ATXN1: variants seen among roughly 807,000 people sequenced by gnomAD.
The protein encoded by ATXN1 is ataxin 1, also known as ataxin-1.
A neutral mutation model predicts 56.4 loss-of-function variants in ATXN1; 8 were observed. The ratio of observed to expected loss-of-function variants is 0.14; its 90% CI spans 0.08 to 0.26. The LOEUF (loss-of-function observed/expected upper bound fraction) is 0.26, where lower values mean the gene tolerates loss of function less well. ATXN1 is among the 10% of genes least tolerant of loss of function. The pLI, the probability that ATXN1 is intolerant of heterozygous loss-of-function variation, is 1.00. For synonymous variants in ATXN1, 514 were observed against 494.6 expected (o/e 1.04, Z -0.52); for missense variants, 987 against 1,106.5 (o/e 0.89, Z 1.53).
At chr6:16,684,642 A>C (rs1758879890) in intron 2 of ATXN1, among the ~76,000 whole-genome samples, 1 of 152,174 alleles carries the variant, frequency 6.6e-6, no homozygotes, top group African/African-American at 2.4e-5. Context: ...ACTTCCACCC[A>C]GTTCCCAGCG....
intron 4 of ATXN1, among the ~76,000 whole-genome samples, chr6:16,539,410 A>G (rs16878431): frequency 0.078 from 11,891 of 152,214 alleles, 706 homozygotes; most frequent in African/African-American, 0.16. Flanking sequence ...GATATTATAC[A>G]CAGTCATGGC....
At chr6:16,600,941 T>C (rs888367823) in intron 3 of ATXN1, among the ~76,000 whole-genome samples, 3 of 152,226 alleles carry the variant, frequency 2.0e-5, no homozygotes, top group African/African-American at 4.8e-5. Context: ...TTAGAGCTGG[T>C]TGCCTGCTGC....
intron 6 of ATXN1, among the ~76,000 whole-genome samples, chr6:16,343,719 G>C (rs990830140): frequency 4.6e-5 from 7 of 152,148 alleles, no homozygotes; most frequent in African/African-American, 1.7e-4. Context: ...TCAGGGACTG[G>C]AAAACCTTGA....
intron 6 of ATXN1, among the ~76,000 whole-genome samples, chr6:16,370,848 A>G (rs1411588418): frequency 6.6e-6 from 1 of 152,244 alleles, no homozygotes; most frequent in African/African-American, 2.4e-5. Context: ...ACAGTTTGTA[A>G]CTAACTGTAA....
intron 6 of ATXN1, among the ~76,000 whole-genome samples, chr6:16,430,310 G>A (rs143144787): frequency 6.7e-6 from 1 of 148,492 alleles, no homozygotes; most frequent in East Asian, 2.0e-4. Flanking sequence ...TGAAAAGAAG[G>A]CAGGAAAGAG....
At chr6:16,620,693 A>G (rs1343180458) in intron 3 of ATXN1, among the ~76,000 whole-genome samples, 1 of 152,182 alleles carries the variant, frequency 6.6e-6, no homozygotes, top group Non-Finnish European at 1.5e-5. Context: ...ATGCCCCCCC[A>G]AAAGGCTTTA....
At chr6:16,317,883 C>T (rs1424625801) in intron 7 of ATXN1, among the ~76,000 whole-genome samples, 2 of 152,166 alleles carry the variant, frequency 1.3e-5, no homozygotes, top group African/African-American at 4.8e-5. Flanking sequence ...GATGGACGAA[C>T]CTAGACAGGG....
chr6:16,573,465 C>T (rs1258646405), intron 4 of ATXN1, among the ~76,000 whole-genome samples: 2 of 151,748 alleles, frequency 1.3e-5, no homozygotes, highest in Admixed American at 6.6e-5. Flanking sequence ...CTCCCATTAC[C>T]TATCTTTAAT....
At chr6:16,655,462 C>T (rs1213983436) in intron 3 of ATXN1, among the ~76,000 whole-genome samples, 2 of 152,068 alleles carry the variant, frequency 1.3e-5, no homozygotes, top group Non-Finnish European at 2.9e-5. Flanking sequence ...CCCCTGATGG[C>T]GTGATGACAA....
intron 6 of ATXN1, among the ~76,000 whole-genome samples, chr6:16,432,169 G>A (rs1006305786): frequency 9.2e-5 from 14 of 152,250 alleles, no homozygotes; most frequent in Admixed American, 8.5e-4. Context: ...GATTTCCTCT[G>A]TCACTGGTTA....
At chr6:16,443,952 T>C (rs535614908) in intron 6 of ATXN1, among the ~76,000 whole-genome samples, 2 of 152,138 alleles carry the variant, frequency 1.3e-5, no homozygotes, top group African/African-American at 4.8e-5. Flanking sequence ...CCGTCTCTAC[T>C]AAAAACAGAA....
chr6:16,690,653 G>T (rs1238640581), intron 2 of ATXN1, among the ~76,000 whole-genome samples: 4 of 152,158 alleles, frequency 2.6e-5, no homozygotes, highest in Non-Finnish European at 4.4e-5. Flanking sequence ...AGGAACATAT[G>T]AATCACAGAA....
chr6:16,701,465 G>A (rs1008191031), intron 2 of ATXN1, among the ~76,000 whole-genome samples: 8 of 152,206 alleles, frequency 5.3e-5, no homozygotes, highest in African/African-American at 1.7e-4. Context: ...ATTCAACATA[G>A]TGTTGGAAGT....
chr6:16,526,123 C>T (rs1561739949), intron 4 of ATXN1, among the ~76,000 whole-genome samples: 3 of 148,480 alleles, frequency 2.0e-5, no homozygotes, highest in African/African-American at 7.5e-5. Context: ...TTTGCTGTCT[C>T]ATTTTTTTTA....
Position 16,605,447 on chromosome 6 carries a change from G to T in ATXN1, c.-488-19540C>A, listed in dbSNP as rs138543495. On this transcript the variant is annotated intron_variant, in intron 3 of 7. Transcript: ENST00000436367. Reference sequence around the variant, plus strand: ...ACAGGGCTGCCCATGAGCCCTGCAAGGCTCCAGAGCTATTCTTAAGATCCT... The same window carrying T: ...ACAGGGCTGCCCATGAGCCCTGCAATGCTCCAGAGCTATTCTTAAGATCCT... Among the ~76,000 whole-genome samples the T allele has an allele frequency of 6.8e-4, 103 of 152,270 alleles. No individual in the cohort carries two copies. In the East Asian group the frequency reaches 0.019, roughly 28 times the overall value.
At chr6:16,700,462 G>A (rs975593857) in intron 2 of ATXN1, among the ~76,000 whole-genome samples, 2 of 152,108 alleles carry the variant, frequency 1.3e-5, no homozygotes, top group Admixed American at 6.6e-5. Context: ...GATCAAAGGA[G>A]GGTGGAAGAG....
Position 16,760,252 on chromosome 6 carries a change from T to G in ATXN1, c.-730+1046A>C, listed in dbSNP as rs1045713196. ...CGCCTCCTCCGCGGCGGCCGCCGCC[T>G]CCTCCTCCTTCCCCTCCTCCTGGCT... is the stretch of plus-strand genomic sequence containing the variant. On this transcript the variant is annotated intron_variant, in intron 1 of 7. Transcript: ENST00000436367. This position sits in a 1 kb window ranked among gnomAD's most constrained non-coding sequence, Gnocchi z 5.3. 5.3e-5 allele frequency among the ~76,000 whole-genome samples: 8 copies of G among 151,592 alleles called. No homozygotes were observed. Among genetic ancestry groups the G allele is most frequent in the East Asian group, 2.0e-4 (1 of 5,100 alleles).
intron 3 of ATXN1, among the ~76,000 whole-genome samples, chr6:16,631,055 T>C (rs1763495364): frequency 6.6e-6 from 1 of 152,218 alleles, no homozygotes; most frequent in Non-Finnish European, 1.5e-5. Flanking sequence ...ATAATAATAA[T>C]AACTAATAAG....
At chr6:16,462,072 T>C (rs1760010613) in intron 6 of ATXN1, among the ~76,000 whole-genome samples, 2 of 152,156 alleles carry the variant, frequency 1.3e-5, no homozygotes, top group South Asian at 4.1e-4. Flanking sequence ...GTTAAAAACC[T>C]ACCCAAAGGA....
Sources: allele counts gnomAD v4.1 joint callset (sites outside exome capture counted in the v4.1 genomes callset), GRCh38; gene constraint gnomAD v4.1.1; non-coding constraint Gnocchi (gnomAD v3.1); transcripts MANE v1.5; gene names NCBI Gene and HGNC (gene_info 2026-07-23, HGNC 2026-07-21).